DLGAP2: variants seen among roughly 807,000 people sequenced by gnomAD.
The protein encoded by DLGAP2 is disks large-associated protein 2.
A neutral mutation model predicts 100.3 loss-of-function variants in DLGAP2; 26 were observed. That is an observed-to-expected ratio of 0.26 (90% CI 0.19 to 0.36). The LOEUF (loss-of-function observed/expected upper bound fraction) is 0.36. DLGAP2 is among the 10% of genes least tolerant of loss of function. The pLI is 1.00. For synonymous variants in DLGAP2, 886 were observed against 630.1 expected (o/e 1.41, Z -6.08); for missense variants, 1,858 against 1,453.2 (o/e 1.28, Z -4.53).
At chr8:1,201,223 G>C (rs1797865602) in intron 2 of DLGAP2, among the ~76,000 whole-genome samples, 1 of 152,196 alleles carries the variant, frequency 6.6e-6, no homozygotes, top group Non-Finnish European at 1.5e-5. Context: ...GCAGAACCAG[G>C]GGTGCATGCA....
At chr8:1,588,635 C>T (rs1289137069) in intron 6 of DLGAP2, among the ~76,000 whole-genome samples, 2 of 149,820 alleles carry the variant, frequency 1.3e-5, no homozygotes, top group Non-Finnish European at 3.0e-5. Context: ...GGTGCTGTGG[C>T]TCAGGCCTGT....
rs1179699312 is a variant in DLGAP2, at chr8:1,288,190, AGTGTGT to A, written c.106+29329_106+29334del. On this transcript the variant is annotated intron_variant, in intron 3 of 14. Coordinates refer to ENST00000637795, the MANE Select transcript of DLGAP2 (RefSeq NM_001346810.2). ...TTAGGAGGGGAACTAGTTTCGGTTG[AGTGTGT>A]GTGTGTGTGTGTGTGTGTGTGGTTA... is the stretch of plus-strand genomic sequence containing the variant. 5.6e-3 allele frequency among the ~76,000 whole-genome samples: 525 copies of A among 93,612 alleles called. 6 individuals are homozygous for A. The highest frequency in any genetic ancestry group is 0.012 in the African/African-American group (263 of 22,180). 61.4% of individuals were successfully genotyped at this position (93,612 alleles called of 152,430 possible).
At chr8:1,301,818 C>G (rs570724496) in intron 3 of DLGAP2, 1 of 152,390 alleles carries the variant, frequency 6.6e-6, no homozygotes, top group Admixed American at 6.5e-5. Context: ...TCCATTTCCT[C>G]ATGCCTCCAG....
chr8:1,654,026 C>T (rs1563042796), intron 8 of DLGAP2, among the ~76,000 whole-genome samples: 1 of 152,198 alleles, frequency 6.6e-6, no homozygotes, highest in African/African-American at 2.4e-5. Flanking sequence ...TGTCTGCGCA[C>T]TCACTATTTG....
At chr8:1,690,480 G>A (rs554577491) in intron 12 of DLGAP2, among the ~76,000 whole-genome samples, 1 of 150,726 alleles carries the variant, frequency 6.6e-6, no homozygotes, top group Non-Finnish European at 1.5e-5. Flanking sequence ...TGAGATGGGT[G>A]GATCACCTGA....
At chr8:1,084,474 A>G (rs890728018) in intron 2 of DLGAP2, among the ~76,000 whole-genome samples, 1 of 152,236 alleles carries the variant, frequency 6.6e-6, no homozygotes, top group African/African-American at 2.4e-5. Context: ...CTATTGATCT[A>G]GAGACAGACT....
chr8:968,680 C>T (rs957924257), intron 2 of DLGAP2, among the ~76,000 whole-genome samples: 10 of 152,070 alleles, frequency 6.6e-5, no homozygotes, highest in Non-Finnish European at 1.0e-4. Flanking sequence ...CATACAGGGA[C>T]GAAAGAAAGA....
chr8:1,034,033 G>C (rs111236190), intron 2 of DLGAP2, among the ~76,000 whole-genome samples: 211 of 30,628 alleles, frequency 6.9e-3, no homozygotes, highest in East Asian at 8.9e-3. Context: ...GGATTCACAC[G>C]CTCATCCCGA....
chr8:1,268,947 C>G (rs555576457), intron 3 of DLGAP2, among the ~76,000 whole-genome samples: 6 of 152,310 alleles, frequency 3.9e-5, no homozygotes, highest in African/African-American at 1.4e-4. Context: ...GAACCCTCAG[C>G]TCTATCTGCA....
intron 3 of DLGAP2, among the ~76,000 whole-genome samples, chr8:1,413,709 G>A (rs1032316101): frequency 1.8e-4 from 27 of 152,308 alleles, no homozygotes; most frequent in African/African-American, 6.0e-4. Context: ...AACTCAAAGG[G>A]CACCACCCAG....
intron 3 of DLGAP2, among the ~76,000 whole-genome samples, chr8:1,313,994 G>A (rs147810445): frequency 1.3e-5 from 2 of 152,212 alleles, no homozygotes; most frequent in African/African-American, 4.8e-5. Flanking sequence ...ATAAAATCCT[G>A]TGAAACTGTA....
chr8:934,524 A>T (rs1392009498), intron 2 of DLGAP2, among the ~76,000 whole-genome samples: 1 of 152,084 alleles, frequency 6.6e-6, no homozygotes, highest in African/African-American at 2.4e-5. Flanking sequence ...GCCCATCCCT[A>T]CTTGGGGTGG....
chr8:1,204,712 G>A (rs968313361), intron 2 of DLGAP2, among the ~76,000 whole-genome samples: 12 of 152,186 alleles, frequency 7.9e-5, no homozygotes, highest in African/African-American at 2.9e-4. Context: ...CTGGAAATGA[G>A]GGAGGGATGG....
At position 1,706,583 on chromosome 8, in the gene DLGAP2, C is replaced by A. The variant is rs1414134683; in HGVS notation, c.*5177C>A. On this transcript the variant is annotated 3_prime_UTR_variant, in exon 15 of 15. Transcript: ENST00000637795. ...TAACTACAAGGGCCATTCTCCTTAG[C>A]TTCTGGCTTTCAACTGTTTCTAGAT... 2.0e-5 allele frequency: 3 copies of A among 152,240 alleles called. No individual in the cohort carries two copies. The highest frequency in any genetic ancestry group is 1.3e-4 in the Admixed American group (2 of 15,284). The allele number at this position is 152,240 out of a possible 1,614,324, so 9.4% of individuals were successfully genotyped here.
intron 2 of DLGAP2, among the ~76,000 whole-genome samples, chr8:1,068,413 C>T (rs148096044): frequency 6.6e-6 from 1 of 152,224 alleles, no homozygotes. Flanking sequence ...GTTCACCCCC[C>T]ACAGTGGATA....
chr8:1,378,643 C>T lies in DLGAP2; in HGVS notation c.106+119760C>T, dbSNP rs1161491438. ...CTGTCCTGCGCACACCTGGCCTCATCTGTCCGTCCTGCACACATGGGTTGG... is the reference window on the plus strand; with the variant it reads ...CTGTCCTGCGCACACCTGGCCTCATTTGTCCGTCCTGCACACATGGGTTGG... On this transcript the variant is annotated intron_variant, in intron 3 of 14. Transcript: ENST00000637795. Among the ~76,000 whole-genome samples the T allele has an allele frequency of 2.0e-5, 3 of 152,260 alleles. No individual in the cohort carries two copies. The East Asian group carries it at 5.8e-4, about 29-fold the overall frequency.
chr8:1,637,644 T>C (rs1797800019), intron 8 of DLGAP2, among the ~76,000 whole-genome samples: 1 of 152,202 alleles, frequency 6.6e-6, no homozygotes, highest in Non-Finnish European at 1.5e-5. Flanking sequence ...CAATTGAAGA[T>C]TCTAAAGAAA....
chr8:1,525,085 A>C (rs571455620), intron 4 of DLGAP2, among the ~76,000 whole-genome samples: 206 of 151,548 alleles, frequency 1.4e-3, no homozygotes, highest in African/African-American at 4.7e-3. Context: ...GTGTGCTCAA[A>C]TTCCTTGGTC....
At chr8:1,501,258 C>G (rs949009006) in intron 3 of DLGAP2, 108 bp from the exon 4 acceptor site, 1 of 1,167,680 alleles carries the variant, frequency 8.6e-7, no homozygotes, top group Non-Finnish European at 1.2e-6. Context: ...ACAAAGGTGT[C>G]TGTCATGTTT....
Sources: gnomAD v4.1 joint callset for allele counts (sites outside exome capture counted in the v4.1 genomes callset) on GRCh38, gnomAD v4.1.1 for gene constraint, MANE v1.5 for transcripts, NCBI Gene and HGNC (gene_info 2026-07-23, HGNC 2026-07-21) for gene names.